KAZN: variants seen among roughly 807,000 people sequenced by gnomAD.
The protein encoded by KAZN is kazrin, periplakin interacting protein, also known as kazrin.
KAZN carries 40 observed loss-of-function variants against 87.4 expected under a neutral mutation model. The ratio of observed to expected loss-of-function variants is 0.46; its 90% CI spans 0.36 to 0.60. KAZN has a LOEUF of 0.60. KAZN is among the 20% of genes least tolerant of loss of function. The pLI, the probability that KAZN is intolerant of heterozygous loss-of-function variation, is 0.00. For missense variants in KAZN, 898 were observed against 1,073.9 expected, an observed-to-expected ratio of 0.84 and a Z score of 2.29; for synonymous variants, 466 against 458.3, an observed-to-expected ratio of 1.02 and a Z score of -0.22.
intron 2 of KAZN, among the ~76,000 whole-genome samples, chr1:14,338,426 G>A (rs570298233): frequency 6.7e-6 from 1 of 149,560 alleles, no homozygotes; most frequent in South Asian, 2.1e-4. Context: ...CAGAGGTTGT[G>A]ATTAGCTCAG....
intron 1 of KAZN, among the ~76,000 whole-genome samples, chr1:14,767,769 A>T (rs944613853): frequency 6.6e-6 from 1 of 152,200 alleles, no homozygotes; most frequent in African/African-American, 2.4e-5. Context: ...TGGAGACTGG[A>T]TGACAGGAGC....
intron 2 of KAZN, among the ~76,000 whole-genome samples, chr1:14,449,780 T>C (rs1001900721): frequency 2.0e-5 from 3 of 152,196 alleles, no homozygotes; most frequent in African/African-American, 7.2e-5. Flanking sequence ...TCATCCGGTT[T>C]GCTGCTTTCT....
chr1:14,361,004 G>A (rs576591430), intron 2 of KAZN, among the ~76,000 whole-genome samples: 2 of 152,344 alleles, frequency 1.3e-5, no homozygotes, highest in African/African-American at 4.8e-5. Flanking sequence ...GAGCCAGCAG[G>A]CAGGAATGTT....
At chr1:15,073,152 G>T (rs560740022) in intron 8 of KAZN, among the ~76,000 whole-genome samples, 4 of 152,300 alleles carry the variant, frequency 2.6e-5, no homozygotes, top group Non-Finnish European at 2.9e-5. Flanking sequence ...CACGTGAAAG[G>T]TCCCATGGTA....
rs371705716 is a variant in KAZN at position 14,820,993 on chromosome 1, G to A, written c.227-139691G>A. On this transcript the variant is annotated intron_variant, in intron 1 of 14. Transcript: ENST00000376030. The surrounding 1 kb of genome is among the most constrained non-coding windows in gnomAD (Gnocchi z 4.1). Reference sequence around the variant, plus strand: ...TCTGTGATGGATTGTCGGGAGAAACGGGAGCGTGTGAGGAATTGAAAAGGA... The same window carrying A: ...TCTGTGATGGATTGTCGGGAGAAACAGGAGCGTGTGAGGAATTGAAAAGGA... 1.5e-4 allele frequency among the ~76,000 whole-genome samples: 23 copies of A among 152,154 alleles called. No individual in the cohort carries two copies. The highest frequency in any genetic ancestry group is 1.5e-5 in the Non-Finnish European group (1 of 68,024).
At chr1:14,801,296 C>G (rs900272590) in intron 1 of KAZN, among the ~76,000 whole-genome samples, 9 of 152,120 alleles carry the variant, frequency 5.9e-5, no homozygotes, top group Non-Finnish European at 8.8e-5. Flanking sequence ...TCCAGGGAGT[C>G]AAAACCAGGA....
intron 1 of KAZN, among the ~76,000 whole-genome samples, chr1:14,659,513 ATC>A (rs1639019428): frequency 6.6e-6 from 1 of 152,166 alleles, no homozygotes; most frequent in Non-Finnish European, 1.5e-5. Flanking sequence ...TTCCTTTGCT[ATC>A]TCCGTAGGCA....
chr1:14,613,669 A>G (rs1246217454), intron 1 of KAZN, among the ~76,000 whole-genome samples: 1 of 152,258 alleles, frequency 6.6e-6, no homozygotes, highest in African/African-American at 2.4e-5. Flanking sequence ...CATACATGCA[A>G]GAAAAATAAT....
chr1:15,092,587 T>C (rs1640606381), intron 8 of KAZN, among the ~76,000 whole-genome samples: 1 of 152,148 alleles, frequency 6.6e-6, no homozygotes, highest in African/African-American at 2.4e-5. Flanking sequence ...TCCTCCTACC[T>C]CAGCCTCCTG....
At chr1:14,256,027 C>T (rs1004768465) in intron 2 of KAZN, among the ~76,000 whole-genome samples, 1 of 152,198 alleles carries the variant, frequency 6.6e-6, no homozygotes, top group Non-Finnish European at 1.5e-5. Flanking sequence ...CGCAGCTTCT[C>T]TCCCTCCTAA....
chr1:14,196,783 G>A (rs941126351), intron 2 of KAZN, among the ~76,000 whole-genome samples: 3 of 152,044 alleles, frequency 2.0e-5, no homozygotes, highest in African/African-American at 4.8e-5. Flanking sequence ...TGTAAATGAG[G>A]AGAGGAGAAG....
chr1:15,110,405 G>A (rs570148252), intron 13 of KAZN, among the ~76,000 whole-genome samples: 1 of 135,992 alleles, frequency 7.4e-6, no homozygotes, highest in East Asian at 2.2e-4. Flanking sequence ...GTGTGTCTGT[G>A]TATTTGTGTG....
At chr1:14,569,500 T>A (rs2148542222) in intron 2 of KAZN, among the ~76,000 whole-genome samples, 1 of 151,892 alleles carries the variant, frequency 6.6e-6, no homozygotes, top group East Asian at 2.0e-4. Context: ...TTTTTTGTAT[T>A]TTTAGTAGAG....
chr1:14,273,550 A>T (rs934015698), intron 2 of KAZN, among the ~76,000 whole-genome samples: 4 of 152,362 alleles, frequency 2.6e-5, no homozygotes, highest in Middle Eastern at 3.4e-3. Context: ...CAGTTAAAAA[A>T]AATATACAGT....
intron 1 of KAZN, among the ~76,000 whole-genome samples, chr1:14,713,958 G>T (rs929854576): frequency 4.0e-5 from 6 of 151,882 alleles, no homozygotes; most frequent in African/African-American, 1.2e-4. Context: ...CCTGTCTCAA[G>T]AAACAAAAGA....
chr1:14,088,090 T>C (rs1230294853), intron 1 of KAZN, among the ~76,000 whole-genome samples: 1 of 151,538 alleles, frequency 6.6e-6, no homozygotes, highest in Admixed American at 6.6e-5. Context: ...GATTTGTTTG[T>C]GAGAAGGTTT....
At chr1:14,897,740 T>A (rs760419534) in intron 1 of KAZN, among the ~76,000 whole-genome samples, 2 of 152,230 alleles carry the variant, frequency 1.3e-5, no homozygotes, top group East Asian at 1.9e-4. Context: ...CTGGCCGTTG[T>A]GATATGTTAT....
intron 1 of KAZN, among the ~76,000 whole-genome samples, chr1:14,940,080 TG>T (rs1660880574): frequency 6.6e-6 from 1 of 152,174 alleles, no homozygotes; most frequent in Admixed American, 6.5e-5. Flanking sequence ...TGGCAGGCCA[TG>T]GATCAGGTGA....
intron 1 of KAZN, among the ~76,000 whole-genome samples, chr1:14,010,801 A>C (rs1296964629): frequency 6.6e-6 from 1 of 152,222 alleles, no homozygotes. Context: ...TGACAGCTTC[A>C]TGGGGGAAAA....
Sources: gnomAD v4.1 joint callset for allele counts (sites outside exome capture counted in the v4.1 genomes callset) on GRCh38, gnomAD v4.1.1 for gene constraint, Gnocchi (gnomAD v3.1) non-coding constraint, MANE v1.5 for transcripts, NCBI Gene and HGNC (gene_info 2026-07-23, HGNC 2026-07-21) for gene names.